COG6: variants seen among roughly 807,000 people sequenced by gnomAD.
COG6 encodes component of oligomeric golgi complex 6.
COG6 carries 74 observed loss-of-function variants against 88.8 expected under a neutral mutation model. The observed-to-expected ratio is 0.83, with a 90% confidence interval of 0.69 to 1.01. The LOEUF (loss-of-function observed/expected upper bound fraction) is 1.01, where lower values mean the gene tolerates loss of function less well. Ranked by LOEUF, COG6 falls within the 50% of genes least tolerant of loss-of-function variation. The pLI is 0.00. For missense variants in COG6, 800 were observed against 797.9 expected, an observed-to-expected ratio of 1.00 and a Z score of -0.03; for synonymous variants, 286 against 278.7, an observed-to-expected ratio of 1.03 and a Z score of -0.26.
intron 18 of COG6, among the ~76,000 whole-genome samples, chr13:39,741,410 TA>T (rs1346147535): frequency 6.6e-6 from 1 of 152,112 alleles, no homozygotes; most frequent in Non-Finnish European, 1.5e-5. Context: ...GAGAAGACCT[TA>T]AATGACCTGA....
chr13:39,680,731 G>T (rs1876260239), intron 7 of COG6, among the ~76,000 whole-genome samples: 1 of 152,086 alleles, frequency 6.6e-6, no homozygotes, highest in African/African-American at 2.4e-5. Flanking sequence ...GCATTCTTCG[G>T]CTTGCGGCCC....
downstream of COG6, among the ~76,000 whole-genome samples, chr13:39,756,945 A>G (rs566376787): frequency 7.5e-4 from 114 of 152,168 alleles, no homozygotes; most frequent in Non-Finnish European, 1.5e-3. Flanking sequence ...TTAAAGAATA[A>G]CAAGGAAATC....
At chr13:39,679,216 A>T in intron 5 of COG6, 1 of 319,058 alleles carries the variant, frequency 3.1e-6, no homozygotes, top group Non-Finnish European at 5.9e-6. Context: ...TCATGTAGTA[A>T]TTTTTAGTTT....
chr13:39,748,103 T>C (rs973072378), intron 18 of COG6, among the ~76,000 whole-genome samples: 1 of 152,186 alleles, frequency 6.6e-6, no homozygotes, highest in African/African-American at 2.4e-5. Context: ...TTCTCAGAAA[T>C]CTATGTTATT....
At chr13:39,766,657 A>G (rs2138171253) in intron 18 of COG6, among the ~76,000 whole-genome samples, 1 of 152,266 alleles carries the variant, frequency 6.6e-6, no homozygotes, top group African/African-American at 2.4e-5. Context: ...AGAACTAAGC[A>G]TTTGGTCCAA....
chr13:39,790,524 T>C (rs1037864005), exon 19 of COG6: 1 of 152,134 alleles, frequency 6.6e-6, no homozygotes, highest in Admixed American at 6.6e-5. Context: ...TAATATCTCA[T>C]AGATACTGTT....
chr13:39,722,393 A>G (rs372186311), intron 15 of COG6, among the ~76,000 whole-genome samples: 19 of 151,980 alleles, frequency 1.3e-4, no homozygotes, highest in African/African-American at 4.6e-4. Flanking sequence ...GATTATTCAC[A>G]AGGGCTTTCT....
chr13:39,787,283 A>G (rs1358514853), intron 18 of COG6, among the ~76,000 whole-genome samples: 1 of 152,140 alleles, frequency 6.6e-6, no homozygotes, highest in Non-Finnish European at 1.5e-5. Context: ...AGATGGGGTT[A>G]ATTGGTAGGA....
rs1456986474 is a variant in COG6 at position 39,655,850 on chromosome 13, A to G, written c.124A>G (p.Ile42Val). 1 of 1,606,998 alleles carries G rather than the reference A, an allele frequency of 6.2e-7. No homozygotes were observed. The highest frequency in any genetic ancestry group is 8.5e-7 in the Non-Finnish European group (1 of 1,177,558). Residue 42 changes from isoleucine to valine, a missense_variant, in exon 1 of 19, where the codon ATC (isoleucine) becomes GTC (valine). Transcript: ENST00000455146. ...CNPLSRKLHK[I>V]LETRLDNDKE... ...CCCGCTGTCGCGCAAGCTGCATAAG[A>G]TCCTGGAGACGCGGCTGGACAACGA...
rs1270362683 is a variant in COG6 at position 39,747,459 on chromosome 13, A to G, written c.1827-3487A>G. Among the ~76,000 whole-genome samples the G allele has an allele frequency of 3.9e-5, 6 of 152,128 alleles. No individual in the cohort carries two copies. In the South Asian group the frequency reaches 1.2e-3, roughly 32 times the overall value. ...TTTTTCCTTCCTCCTTCATTCATGT[A>G]ATACATGAAGATTTCTTTTTATCCA... is the stretch of plus-strand genomic sequence containing the variant. On this transcript the variant is annotated intron_variant, in intron 18 of 18. Transcript: ENST00000455146.
chr13:39,735,748 TC>T (rs1437716701), intron 18 of COG6, among the ~76,000 whole-genome samples: 2 of 150,446 alleles, frequency 1.3e-5, no homozygotes, highest in Non-Finnish European at 3.0e-5. Context: ...CCTTTATTTG[TC>T]CTTCATGTTT....
At chr13:39,679,122 A>G (rs772567325) in intron 5 of COG6, among the ~76,000 whole-genome samples, 19 of 152,172 alleles carry the variant, frequency 1.2e-4, no homozygotes, top group Non-Finnish European at 2.6e-4. Flanking sequence ...AATAATGAGT[A>G]TACAACAGAT....
intron 18 of COG6, among the ~76,000 whole-genome samples, chr13:39,741,801 G>A (rs907668288): frequency 2.6e-5 from 4 of 151,846 alleles, no homozygotes; most frequent in Admixed American, 2.6e-4. Flanking sequence ...ACATATAATT[G>A]TCAGATTCAC....
chr13:39,774,609 C>G (rs926557090), intron 18 of COG6, among the ~76,000 whole-genome samples: 3 of 151,518 alleles, frequency 2.0e-5, no homozygotes, highest in Non-Finnish European at 4.4e-5. Context: ...GAGTCTCGCT[C>G]TGTCACGCAG....
At chr13:39,677,864 G>A (rs1237502744) in intron 5 of COG6, among the ~76,000 whole-genome samples, 1 of 151,918 alleles carries the variant, frequency 6.6e-6, no homozygotes, top group Non-Finnish European at 1.5e-5. Context: ...TGCTTCTTTT[G>A]TAAATTCTAT....
In COG6 at chr13:39,752,463, C is replaced by A; in HGVS notation, c.*1370C>A. 9.3e-7 allele frequency: 1 copy of A among 1,080,862 alleles called. No homozygotes were observed. The highest frequency in any genetic ancestry group is 1.2e-6 in the Non-Finnish European group (1 of 824,148). The allele number at this position is 1,080,862 out of a possible 1,614,324, so 67.0% of individuals were successfully genotyped here. A position where few individuals can be genotyped will look rare whatever the true frequency, so the allele number is the denominator to read the frequency against. On this transcript the variant is annotated 3_prime_UTR_variant, in exon 19 of 19. Coordinates refer to ENST00000455146, the MANE Select transcript of COG6 (RefSeq NM_020751.3). ...TTTTCCCTTTGATTAGTATGTGTTA[C>A]ATATAAAGACAGAAAATAAAGTATA...
At chr13:39,754,238 AG>A (rs1880760595), downstream of COG6, among the ~76,000 whole-genome samples, 1 of 152,034 alleles carries the variant, frequency 6.6e-6, no homozygotes, top group African/African-American at 2.4e-5. Flanking sequence ...TCCTTCCTTT[AG>A]GGATTTGTTA....
chr13:39,746,719 A>C (rs1045234407), intron 18 of COG6, among the ~76,000 whole-genome samples: 1 of 152,226 alleles, frequency 6.6e-6, no homozygotes, highest in Non-Finnish European at 1.5e-5. Flanking sequence ...CAGTTGATTG[A>C]TAGACAGATA....
chr13:39,788,294 C>G, intron 18 of COG6: 3 of 1,550,176 alleles, frequency 1.9e-6, no homozygotes, highest in Non-Finnish European at 2.6e-6. Context: ...GAAACTGCAC[C>G]ATCAGCAACA....
Sources: allele counts gnomAD v4.1 joint callset (sites outside exome capture counted in the v4.1 genomes callset), GRCh38; gene constraint gnomAD v4.1.1; transcripts MANE v1.5; gene names NCBI Gene and HGNC (gene_info 2026-07-23, HGNC 2026-07-21).